The following CNTN3 variants were observed in gnomAD, a reference collection of about 807,000 sequenced individuals.
CNTN3 encodes the protein contactin 3, also known as contactin-3.
Under a neutral mutation model 119.1 loss-of-function variants are expected in CNTN3, and 60 were observed. That is an observed-to-expected ratio of 0.50 (90% CI 0.41 to 0.62). CNTN3 has a LOEUF of 0.62. CNTN3 is among the 20% of genes least tolerant of loss of function. The pLI is 0.00. For missense variants in CNTN3, 1,101 were observed against 1,242.4 expected, an observed-to-expected ratio of 0.89 and a Z score of 1.71; for synonymous variants, 450 against 438.7, an observed-to-expected ratio of 1.03 and a Z score of -0.32.
intron 21 of CNTN3, among the ~76,000 whole-genome samples, chr3:74,267,046 T>C (rs554640077): frequency 1.3e-5 from 2 of 152,268 alleles, no homozygotes; most frequent in South Asian, 2.1e-4. Flanking sequence ...TTTGGAGACA[T>C]TGTGTCCAAA....
chr3:74,586,899 C>T (rs1704602115), intron 1 of CNTN3, among the ~76,000 whole-genome samples: 1 of 151,964 alleles, frequency 6.6e-6, no homozygotes, highest in Non-Finnish European at 1.5e-5. Flanking sequence ...AATTAGGGAA[C>T]ACCGAGGTAT....
chr3:74,295,429 G>A (rs567943929), intron 18 of CNTN3, among the ~76,000 whole-genome samples, 193 bp from the exon 19 acceptor site: 31 of 152,256 alleles, frequency 2.0e-4, no homozygotes, highest in African/African-American at 7.0e-4. Flanking sequence ...ATAGCCAAAG[G>A]CTTTTCTTTG....
At chr3:74,346,940 G>A (rs778760205) in intron 11 of CNTN3, among the ~76,000 whole-genome samples, 14 of 152,058 alleles carry the variant, frequency 9.2e-5, no homozygotes, top group East Asian at 7.7e-4. Context: ...AGAAATAGTC[G>A]CAATAAATTA....
At chr3:74,572,886 T>C (rs953447199) in intron 1 of CNTN3, among the ~76,000 whole-genome samples, 3 of 152,114 alleles carry the variant, frequency 2.0e-5, no homozygotes, top group Admixed American at 2.0e-4. Flanking sequence ...TCTAGAAAAC[T>C]AGGAGGGTCT....
intron 12 of CNTN3, among the ~76,000 whole-genome samples, 165 bp downstream of exon 12, chr3:74,336,365 GA>G: frequency 6.6e-6 from 1 of 152,224 alleles, no homozygotes; most frequent in Middle Eastern, 3.4e-3. Context: ...CTGTGCTAAG[GA>G]AATATTGTTC....
At chr3:74,511,760 C>G (rs1381780346) in intron 2 of CNTN3, among the ~76,000 whole-genome samples, 1 of 152,074 alleles carries the variant, frequency 6.6e-6, no homozygotes, top group Non-Finnish European at 1.5e-5. Flanking sequence ...GGAACACAGC[C>G]ACACTGACTT....
intron 1 of CNTN3, among the ~76,000 whole-genome samples, chr3:74,594,449 C>G (rs1025650594): frequency 1.5e-4 from 23 of 151,806 alleles, no homozygotes; most frequent in African/African-American, 5.3e-4. Context: ...CCCTCTCCCC[C>G]CACCCCACAA....
intron 5 of CNTN3, among the ~76,000 whole-genome samples, chr3:74,385,774 T>C (rs1252903397): frequency 6.6e-6 from 1 of 152,216 alleles, no homozygotes; most frequent in Non-Finnish European, 1.5e-5. Context: ...AATTCTATAT[T>C]ATAAAATATG....
chr3:74,363,849 A>G (rs1202114777), intron 10 of CNTN3, among the ~76,000 whole-genome samples: 1 of 151,850 alleles, frequency 6.6e-6, no homozygotes, highest in Non-Finnish European at 1.5e-5. Context: ...CCTTCCATTC[A>G]TTTGTGCTAT....
intron 11 of CNTN3, among the ~76,000 whole-genome samples, chr3:74,358,894 A>G (rs1353755906): frequency 2.6e-5 from 4 of 151,388 alleles, no homozygotes; most frequent in African/African-American, 7.3e-5. Flanking sequence ...GTTTACTGAG[A>G]ATGATGATTT....
chr3:74,581,317 A>G (rs1448926211), intron 1 of CNTN3, among the ~76,000 whole-genome samples: 1 of 152,218 alleles, frequency 6.6e-6, no homozygotes, highest in African/African-American at 2.4e-5. Context: ...CATTAAAATC[A>G]TTAGTACTTC....
intron 4 of CNTN3, among the ~76,000 whole-genome samples, chr3:74,428,824 A>G (rs1218463707): frequency 6.6e-6 from 1 of 152,178 alleles, no homozygotes; most frequent in African/African-American, 2.4e-5. Flanking sequence ...GTAAGTGTTC[A>G]GTATAGATAT....
intron 20 of CNTN3, among the ~76,000 whole-genome samples, chr3:74,283,486 T>C (rs1702054495): frequency 6.6e-6 from 1 of 152,176 alleles, no homozygotes; most frequent in African/African-American, 2.4e-5. Flanking sequence ...AAATTTTCAT[T>C]CATTCATTGT....
chr3:74,577,389 T>C (rs1337404162), intron 1 of CNTN3, among the ~76,000 whole-genome samples: 1 of 152,184 alleles, frequency 6.6e-6, no homozygotes, highest in East Asian at 1.9e-4. Context: ...CACAATTGGC[T>C]ACCCAGCATT....
chr3:74,346,784 TC>T (rs1334420374), intron 11 of CNTN3, among the ~76,000 whole-genome samples: 23 of 151,840 alleles, frequency 1.5e-4, no homozygotes, highest in African/African-American at 5.6e-4. Context: ...CATCCATCCA[TC>T]CATCCATGCA....
At chr3:74,386,506 C>T (rs929475245) in intron 5 of CNTN3, among the ~76,000 whole-genome samples, 1 of 152,164 alleles carries the variant, frequency 6.6e-6, no homozygotes, top group Admixed American at 6.5e-5. Context: ...TGCACCACTG[C>T]ACTCCAGCAT....
intron 1 of CNTN3, among the ~76,000 whole-genome samples, chr3:74,579,877 A>AAT (rs1177316513): frequency 6.6e-6 from 1 of 152,178 alleles, no homozygotes. Flanking sequence ...TGAAACTTAA[A>AAT]ATATATGTAA....
intron 1 of CNTN3, among the ~76,000 whole-genome samples, chr3:74,564,550 C>A (rs1002875291): frequency 4.6e-5 from 7 of 150,606 alleles, no homozygotes; most frequent in Admixed American, 1.3e-4. Flanking sequence ...ATAAGCCATT[C>A]ATTCCACCAA....
At chr3:74,540,414 A>C (rs984686467) in intron 1 of CNTN3, among the ~76,000 whole-genome samples, 5 of 152,140 alleles carry the variant, frequency 3.3e-5, no homozygotes, top group Non-Finnish European at 7.4e-5. Flanking sequence ...TTGGGCACTT[A>C]GAATATGTCT....
Sources: gnomAD v4.1 joint callset for allele counts (sites outside exome capture counted in the v4.1 genomes callset) on GRCh38, gnomAD v4.1.1 for gene constraint, MANE v1.5 for transcripts, NCBI Gene and HGNC (gene_info 2026-07-23, HGNC 2026-07-21) for gene names.